HIKESHI: variants seen among roughly 807,000 people sequenced by gnomAD.
HIKESHI encodes protein Hikeshi.
In HIKESHI, 13 loss-of-function variants were observed where a neutral mutation model predicts 25.7. That is an observed-to-expected ratio of 0.51 (90% CI 0.33 to 0.80). The LOEUF (loss-of-function observed/expected upper bound fraction) is 0.80, where lower values mean the gene tolerates loss of function less well. Ranked by LOEUF, HIKESHI falls within the 30% of genes least tolerant of loss-of-function variation. The pLI, the probability that HIKESHI is intolerant of heterozygous loss-of-function variation, is 0.02. For missense variants in HIKESHI, 174 were observed against 229.5 expected (o/e 0.76, Z 1.56); for synonymous variants, 76 against 78.7 (o/e 0.97, Z 0.18).
chr11:86,345,715 G>A lies in HIKESHI; in HGVS notation c.*77G>A, dbSNP rs942346134. 8.5e-5 allele frequency: 68 copies of A among 799,558 alleles called. No homozygotes were observed. In the East Asian group the frequency reaches 1.8e-3, roughly 22 times the overall value. 49.5% of individuals were successfully genotyped at this position (799,558 alleles called of 1,614,324 possible). On this transcript the variant is annotated 3_prime_UTR_variant, in exon 5 of 5. Coordinates refer to ENST00000278483, the MANE Select transcript of HIKESHI (RefSeq NM_016401.4). Reference sequence around the variant, plus strand: ...TAACTGACTCCATCTAAAAGTATGAGGTCAAAGGATCACGAAACCTAAGTT... The same window carrying A: ...TAACTGACTCCATCTAAAAGTATGAAGTCAAAGGATCACGAAACCTAAGTT...
At chr11:86,314,519 G>T (rs1418555100) in intron 2 of HIKESHI, among the ~76,000 whole-genome samples, 1 of 152,130 alleles carries the variant, frequency 6.6e-6, no homozygotes, top group Non-Finnish European at 1.5e-5. Context: ...GGAGACTGAG[G>T]CATGAGAATC....
At position 86,302,457 on chromosome 11, in the gene HIKESHI, C is replaced by G; in HGVS notation, c.9C>G (p.Gly3=). The stretch of plus-strand genomic sequence containing the variant: ...ACGGAGCTGCCGTCGCCATGTTTGG[C>G]TGCTTGGTGGCGGGGAGGCTGGTGA... The part of the protein sequence containing the change: MF[G]CLVAGRLVQT... The change falls in exon 1 of 5, where the codon GGC becomes GGG. Residue 3 remains glycine (G), a synonymous_variant. Transcript: ENST00000278483. 2 of 1,557,288 alleles carry G rather than the reference C, an allele frequency of 1.3e-6. No individual in the cohort carries two copies. Among genetic ancestry groups the G allele is most frequent in the Non-Finnish European group, 1.7e-6 (2 of 1,150,310 alleles).
At chr11:86,325,940 G>C (rs2513202) in intron 2 of HIKESHI, among the ~76,000 whole-genome samples, 67,939 of 151,594 alleles carry the variant, frequency 0.45, 15,884 homozygotes, top group Admixed American at 0.49. Flanking sequence ...AAGGTTTAAA[G>C]AGGTTCCTTA....
chr11:86,344,559 T>C, intron 3 of HIKESHI, 44 bp from the exon 4 acceptor site: 1 of 1,095,750 alleles, frequency 9.1e-7, no homozygotes, highest in Non-Finnish European at 1.3e-6. Context: ...GAGTTCTAAA[T>C]GAAGTATTCA....
chr11:86,313,471 A>G (rs1446777296), intron 2 of HIKESHI, among the ~76,000 whole-genome samples: 2 of 152,210 alleles, frequency 1.3e-5, no homozygotes, highest in African/African-American at 2.4e-5. Flanking sequence ...ACCTTAGGTG[A>G]TCCACCCACC....
intron 3 of HIKESHI, among the ~76,000 whole-genome samples, chr11:86,342,032 A>G (rs1454730489): frequency 6.6e-6 from 1 of 150,536 alleles, no homozygotes; most frequent in Non-Finnish European, 1.5e-5. Flanking sequence ...TCTCACTAAC[A>G]TTTATCAGAC....
At chr11:86,326,176 T>C (rs545815790) in intron 2 of HIKESHI, among the ~76,000 whole-genome samples, 1 of 152,294 alleles carries the variant, frequency 6.6e-6, no homozygotes, top group South Asian at 2.1e-4. Flanking sequence ...TGCATGGTTG[T>C]AATCCCAGCT....
At chr11:86,344,576 T>G (rs1947819715) in intron 3 of HIKESHI, 27 bp from the exon 4 acceptor site, 1 of 1,279,508 alleles carries the variant, frequency 7.8e-7, no homozygotes, top group Non-Finnish European at 1.1e-6. Flanking sequence ...TTCAGTATAA[T>G]CCATTAATCT....
rs1465824125 is a variant in HIKESHI at position 86,325,029 on chromosome 11, C to A, written c.269-12350C>A. Among the ~76,000 whole-genome samples the A allele has an allele frequency of 3.3e-5, 5 of 151,776 alleles. No individual in the cohort carries two copies. In the East Asian group the frequency reaches 9.7e-4, roughly 29 times the overall value. The stretch of plus-strand genomic sequence containing the variant: ...ATCTGCCTCTACAAAAAATAAAAAA[C>A]TTAGCCAGGCATGGTGGTACGTGCC... On this transcript the variant is annotated intron_variant, in intron 2 of 4. Coordinates refer to ENST00000278483, the MANE Select transcript of HIKESHI (RefSeq NM_016401.4).
Position 86,306,312 on chromosome 11 carries a change from T to C in HIKESHI, c.98T>C (p.Ile33Thr). The change falls in exon 2 of 5, where the codon ATC (isoleucine) becomes ACC (threonine). Residue 33 changes from isoleucine (I) to threonine (T), a missense_variant. Physicochemically the swap from Ile to Thr is moderately conservative, Grantham distance 89 (BLOSUM62 -1). Coordinates refer to ENST00000278483, the MANE Select transcript of HIKESHI (RefSeq NM_016401.4). ...TTTGACTTACCTGATTATGAAAGTA[T>C]CAACCATGTTGTGGTTTTTATGCTG... ...FVFDLPDYES[I>T]NHVVVFMLGT... 6.2e-7 allele frequency: 1 copy of C among 1,614,158 alleles called. No individual in the cohort carries two copies. Among genetic ancestry groups the C allele is most frequent in the Non-Finnish European group, 8.5e-7 (1 of 1,180,000 alleles).
intron 2 of HIKESHI, among the ~76,000 whole-genome samples, chr11:86,320,913 G>A (rs761386605): frequency 1.5e-4 from 23 of 151,866 alleles, no homozygotes; most frequent in Non-Finnish European, 2.5e-4. Context: ...ATGTTATGTC[G>A]ATCCTTTTGA....
At chr11:86,318,011 T>A (rs1947034983) in intron 2 of HIKESHI, among the ~76,000 whole-genome samples, 1 of 152,008 alleles carries the variant, frequency 6.6e-6, no homozygotes, top group Non-Finnish European at 1.5e-5. Context: ...AAGAGTAGAT[T>A]GAAATCCTGA....
intron 2 of HIKESHI, among the ~76,000 whole-genome samples, chr11:86,327,512 C>T (rs1178754647): frequency 6.6e-6 from 1 of 152,038 alleles, no homozygotes; most frequent in African/African-American, 2.4e-5. Context: ...GACGGGGTTT[C>T]GCCTTCTTAG....
rs535583757 is a variant in HIKESHI at position 86,326,658 on chromosome 11, G to A, written c.269-10721G>A. 3.1e-4 allele frequency: 123 copies of A among 403,050 alleles called. 1 individual carries two copies. Among genetic ancestry groups the A allele is most frequent in the South Asian group, 2.2e-3 (121 of 55,730 alleles). The allele number at this position is 403,050 out of a possible 1,614,324, so 25.0% of individuals were successfully genotyped here. On this transcript the variant is annotated intron_variant, in intron 2 of 4. Coordinates refer to ENST00000278483, the MANE Select transcript of HIKESHI (RefSeq NM_016401.4). ...TCTCTCTATGGAAGATTAGACTGGAGCATGAACTTGAAATATGAGTAAGAT... is the reference window on the plus strand; with the variant it reads ...TCTCTCTATGGAAGATTAGACTGGAACATGAACTTGAAATATGAGTAAGAT...
intron 2 of HIKESHI, among the ~76,000 whole-genome samples, chr11:86,334,385 T>C (rs1947493084): frequency 6.6e-6 from 1 of 152,164 alleles, no homozygotes; most frequent in Admixed American, 6.5e-5. Context: ...TGTTTTGTGT[T>C]AGGCTCTTGA....
At chr11:86,332,571 T>C (rs1241294603) in intron 2 of HIKESHI, among the ~76,000 whole-genome samples, 3 of 152,226 alleles carry the variant, frequency 2.0e-5, no homozygotes, top group Non-Finnish European at 4.4e-5. Flanking sequence ...TTACTTTACC[T>C]ATATATTGAA....
chr11:86,308,633 A>G (rs1171912474), intron 2 of HIKESHI, among the ~76,000 whole-genome samples: 3 of 151,050 alleles, frequency 2.0e-5, no homozygotes, highest in African/African-American at 7.3e-5. Flanking sequence ...GGTTCATTAC[A>G]TATGTATACA....
At chr11:86,331,995 T>C (rs1947439545) in intron 2 of HIKESHI, among the ~76,000 whole-genome samples, 1 of 151,150 alleles carries the variant, frequency 6.6e-6, no homozygotes, top group South Asian at 2.1e-4. Context: ...TTTTTTTTTT[T>C]TTTGCGACGG....
chr11:86,316,853 G>T (rs1394004711), intron 2 of HIKESHI, among the ~76,000 whole-genome samples: 1 of 130,046 alleles, frequency 7.7e-6, no homozygotes, highest in Non-Finnish European at 1.5e-5. Flanking sequence ...GAGTGCAGTG[G>T]CACAGTCTCG....
Sources: allele counts gnomAD v4.1 joint callset (sites outside exome capture counted in the v4.1 genomes callset), GRCh38; gene constraint gnomAD v4.1.1; transcripts MANE v1.5; gene names NCBI Gene and HGNC (gene_info 2026-07-23, HGNC 2026-07-21).